Variants in ZNF692 observed in about 807,000 individuals in gnomAD.
The protein encoded by ZNF692 is AICAR responsive element binding protein.
ZNF692 carries 41 observed loss-of-function variants against 49.0 expected under a neutral mutation model. That is an observed-to-expected ratio of 0.84 (90% CI 0.65 to 1.08). The LOEUF (loss-of-function observed/expected upper bound fraction) is 1.08. ZNF692 is among the 50% of genes least tolerant of loss of function. The pLI is 0.00. For synonymous variants in ZNF692, 288 were observed against 251.5 expected (o/e 1.15, Z -1.37); for missense variants, 662 against 662.2 (o/e 1.00, Z 0.00).
intron 10 of ZNF692, among the ~76,000 whole-genome samples, chr1:248,853,347 C>T (rs746228350): frequency 6.6e-6 from 1 of 152,212 alleles, no homozygotes; most frequent in African/African-American, 2.4e-5. Context: ...TGTCCCTCTG[C>T]CATTCAAGAC....
rs770454079 is a variant in ZNF692, at chr1:248,856,563, C to T, written c.476-1G>A. ...CTCTCATCATGCTCAGATTCCAAAT[C>T]TGTGGGACAGGCAAAGTCAAAAGAG... On this transcript the variant is annotated splice_acceptor_variant, in intron 4 of 11. Transcript: ENST00000306601. LOFTEE classifies it high-confidence loss of function. 2 of 1,614,018 alleles carry T rather than the reference C, an allele frequency of 1.2e-6. No homozygotes were observed. The highest frequency in any genetic ancestry group is 2.2e-5 in the East Asian group (1 of 44,898).
At position 248,858,431 on chromosome 1, in the gene ZNF692, C is replaced by G. The variant is rs1660506813; in HGVS notation, c.-12-110G>C. On this transcript the variant is annotated intron_variant, in intron 1 of 11. Coordinates refer to ENST00000306601, the MANE Select transcript of ZNF692 (RefSeq NM_017865.4). This position sits in a 1 kb window ranked among gnomAD's most constrained non-coding sequence, Gnocchi z 4.3. ...TCCTCATCAGTGAACTGGGGCAAGA[C>G]TAAACTATTTCAATAGCAGTGGCAG... The G allele has an allele frequency of 1.9e-6, 3 of 1,551,178 alleles. No individual in the cohort carries two copies. Among genetic ancestry groups the G allele is most frequent in the South Asian group, 2.4e-5 (2 of 84,062 alleles).
At position 248,850,385 on chromosome 1, in the gene ZNF692, C is replaced by T. The variant is rs1659409251; in HGVS notation, c.1385G>A (p.Ser462Asn). 1.2e-6 allele frequency: 2 copies of T among 1,614,010 alleles called. No homozygotes were observed. The highest frequency in any genetic ancestry group is 8.5e-7 in the Non-Finnish European group (1 of 1,180,020). ...ACTTTTGCTACGGTGGGCTGCAACA[C>T]TGTCTGGCTTCTCAAAGCGCTTGCC... Reference protein sequence around the residue: ...FCGKRFEKPDSVAAHRSKSHP... With the variant: ...FCGKRFEKPDNVAAHRSKSHP... The change falls in exon 12 of 12, where the codon AGT (serine) becomes AAT (asparagine). Residue 462 changes from serine (S) to asparagine (N), a missense_variant. Physicochemically the swap from Ser to Asn is conservative, Grantham distance 46. Transcript: ENST00000306601.
chr1:248,854,373 G>A (rs1303576292), intron 9 of ZNF692: 3 of 250,556 alleles, frequency 1.2e-5, no homozygotes, highest in Non-Finnish European at 2.3e-5. Flanking sequence ...ATCACTCTGG[G>A]TGACACCCCT....
At position 248,858,976 on chromosome 1, in the gene ZNF692, A is replaced by T. The variant is rs1660588799; in HGVS notation, c.-71T>A. On this transcript the variant is annotated 5_prime_UTR_variant, in exon 1 of 12. Transcript: ENST00000306601. This position sits in a 1 kb window ranked among gnomAD's most constrained non-coding sequence, Gnocchi z 4.3. ...GCCTGCGCCTGCGCCTCCCGGGCCT[A>T]GCGAGCAGGCCCGGAGCTGCTGGAA... is the stretch of plus-strand genomic sequence containing the variant. 1 of 174,560 alleles carries T rather than the reference A, an allele frequency of 5.7e-6. No homozygotes were observed. The allele number at this position is 174,560 out of a possible 1,614,324, so 10.8% of individuals were successfully genotyped here.
At chr1:248,850,875 T>A (rs1183830097) in intron 10 of ZNF692, 94 bp from the exon 11 acceptor site, 5 of 1,072,424 alleles carry the variant, frequency 4.7e-6, no homozygotes, top group Non-Finnish European at 6.9e-6. Flanking sequence ...GAGTGCACCG[T>A]ATTGGAGGTC....
Position 248,858,721 on chromosome 1 carries a change from C to A in ZNF692, c.-13+197G>T. On this transcript the variant is annotated intron_variant, in intron 1 of 11. Coordinates refer to ENST00000306601, the MANE Select transcript of ZNF692 (RefSeq NM_017865.4). The surrounding 1 kb of genome is among the most constrained non-coding windows in gnomAD (Gnocchi z 4.3). ...AGGGGAAGGAAAGGTCGTGTCCTGG[C>A]GTGCAGCTGGGGGCGCTCTTCATAG... 2.9e-6 allele frequency: 2 copies of A among 699,668 alleles called. No homozygotes were observed. The highest frequency in any genetic ancestry group is 4.9e-6 in the Non-Finnish European group (2 of 405,652). 43.3% of individuals were successfully genotyped at this position (699,668 alleles called of 1,614,324 possible).
intron 10 of ZNF692, among the ~76,000 whole-genome samples, chr1:248,852,260 C>G (rs1659689333): frequency 6.6e-6 from 1 of 152,202 alleles, no homozygotes; most frequent in African/African-American, 2.4e-5. Context: ...ACACCCCCAG[C>G]CTACTAGCCT....
chr1:248,852,294 A>G (rs1287121412), intron 10 of ZNF692, among the ~76,000 whole-genome samples: 1 of 152,114 alleles, frequency 6.6e-6, no homozygotes, highest in Non-Finnish European at 1.5e-5. Flanking sequence ...TCTTGTTTCT[A>G]AAGTCGCCAA....
Position 248,855,938 on chromosome 1 carries a change from G to C in ZNF692, c.668C>G (p.Pro223Arg), listed in dbSNP as rs368069363. The change falls in exon 7 of 12, where the codon CCT becomes CGT. Residue 223 changes from proline (P) to arginine (R), a missense_variant. By Grantham distance (103) the Pro-to-Arg change is moderately radical. Coordinates refer to ENST00000306601, the MANE Select transcript of ZNF692 (RefSeq NM_017865.4). The stretch of plus-strand genomic sequence containing the variant: ...GGAAGGCAGTAGTCTGGGGGCATCA[G>C]GCTCACTACTGAAAGGAGAACAAAG... ...TYSSSPDDSE[P>R]DAPRLLPSPV... The C allele has an allele frequency of 4.3e-6, 7 of 1,613,776 alleles. No homozygotes were observed. The highest frequency in any genetic ancestry group is 1.7e-5 in the Admixed American group (1 of 59,994).
At position 248,857,705 on chromosome 1, in the gene ZNF692, G is replaced by T; in HGVS notation, c.211+123C>A. The T allele has an allele frequency of 2.0e-6, 3 of 1,501,134 alleles. No homozygotes were observed. In the South Asian group the frequency reaches 4.0e-5, roughly 20 times the overall value. 93.0% of individuals were successfully genotyped at this position (1,501,134 alleles called of 1,614,324 possible). Reference sequence around the variant, plus strand: ...GGTTGCCTCCATCAAACTACCCTGTGCTCCCCAACTCACCCCACCCTTCCC... The same window carrying T: ...GGTTGCCTCCATCAAACTACCCTGTTCTCCCCAACTCACCCCACCCTTCCC... On this transcript the variant is annotated intron_variant, in intron 3 of 11. Coordinates refer to ENST00000306601, the MANE Select transcript of ZNF692 (RefSeq NM_017865.4).
chr1:248,858,614 G>T lies in ZNF692; in HGVS notation c.-12-293C>A. ...GTGGAGCTGTGGGGAAGGGGCGAGAGACTTTCACGGGAAATTTCAACTGGG... is the reference window on the plus strand; with the variant it reads ...GTGGAGCTGTGGGGAAGGGGCGAGATACTTTCACGGGAAATTTCAACTGGG... On this transcript the variant is annotated intron_variant, in intron 1 of 11. Transcript: ENST00000306601. The surrounding 1 kb of genome is among the most constrained non-coding windows in gnomAD (Gnocchi z 4.3). 6.7e-7 allele frequency: 1 copy of T among 1,500,666 alleles called. No homozygotes were observed. The highest frequency in any genetic ancestry group is 1.2e-5 in the South Asian group (1 of 83,016). The allele number at this position is 1,500,666 out of a possible 1,614,324, so 93.0% of individuals were successfully genotyped here. A position where few individuals can be genotyped will look rare whatever the true frequency, so the allele number is the denominator to read the frequency against.
intron 9 of ZNF692, among the ~76,000 whole-genome samples, chr1:248,855,079 G>A (rs1660069156): frequency 6.6e-6 from 1 of 152,166 alleles, no homozygotes; most frequent in African/African-American, 2.4e-5. Flanking sequence ...TCTCAAGCCA[G>A]GATATGTGGC....
In ZNF692 at chr1:248,857,516, C is replaced by T. The variant is rs1660384299; in HGVS notation, c.212-19G>A. On this transcript the variant is annotated intron_variant, in intron 3 of 11. Transcript: ENST00000306601. ...TCAGGACCTGGAGGGGTGGGGGAAG[C>T]AGTCAGGCTGAACTGGGAAGTCTCC... 13 of 1,603,474 alleles carry T rather than the reference C, an allele frequency of 8.1e-6. No individual in the cohort carries two copies. The highest frequency in any genetic ancestry group is 9.4e-6 in the Non-Finnish European group (11 of 1,174,030).
chr1:248,854,306 T>A, intron 9 of ZNF692: 1 of 432,448 alleles, frequency 2.3e-6, no homozygotes. Flanking sequence ...TTCCATTATC[T>A]CACCTCCTTG....
chr1:248,858,281 G>A lies in ZNF692; in HGVS notation c.29C>T (p.Ser10Phe). 1.9e-6 allele frequency: 3 copies of A among 1,582,488 alleles called. No homozygotes were observed. Among genetic ancestry groups the A allele is most frequent in the African/African-American group, 1.3e-5 (1 of 74,502 alleles). The part of the protein sequence containing the change: MASSPAVDV[S>F]CRRREKRRQL... ...CCGCCGCTTCTCCCGCCGCCTGCAG[G>A]ACACGTCCACCGCCGGGGAGGAAGC... Residue 10 changes from serine to phenylalanine, a missense_variant, in exon 2 of 12, where the codon TCC becomes TTC. Physicochemically the swap from Ser to Phe is radical, Grantham distance 155. Coordinates refer to ENST00000306601, the MANE Select transcript of ZNF692 (RefSeq NM_017865.4). This position sits in a 1 kb window ranked among gnomAD's most constrained non-coding sequence, Gnocchi z 4.3.
At chr1:248,851,607 C>G (rs1180785849) in intron 10 of ZNF692, among the ~76,000 whole-genome samples, 1 of 152,170 alleles carries the variant, frequency 6.6e-6, no homozygotes, top group East Asian at 1.9e-4. Flanking sequence ...TCCATCCACA[C>G]AACTCTAGGT....
At chr1:248,852,459 A>G (rs1045377168) in intron 10 of ZNF692, among the ~76,000 whole-genome samples, 3 of 152,008 alleles carry the variant, frequency 2.0e-5, no homozygotes, top group African/African-American at 7.3e-5. Flanking sequence ...ACCCCACTCT[A>G]GCATCAGCAG....
chr1:248,857,251 C>A lies in ZNF692; in HGVS notation c.458G>T (p.Ser153Ile). 3.1e-6 allele frequency: 5 copies of A among 1,612,676 alleles called. No homozygotes were observed. Among genetic ancestry groups the A allele is most frequent in the Non-Finnish European group, 3.4e-6 (4 of 1,179,204 alleles). ...TRRSWCSEAT[S>I]GQELADLESE... ...CAGCCTACCTGCAAGCTCCTGCCCA[C>A]TCGTGGCCTCGGAACACCAACTTCT... Residue 153 changes from serine (S) to isoleucine (I), a missense_variant, in exon 4 of 12, where the codon AGT becomes ATT. Coordinates refer to ENST00000306601, the MANE Select transcript of ZNF692 (RefSeq NM_017865.4).
Sources: gnomAD v4.1 joint callset for allele counts (sites outside exome capture counted in the v4.1 genomes callset) on GRCh38, gnomAD v4.1.1 for gene constraint, Gnocchi (gnomAD v3.1) non-coding constraint, MANE v1.5 for transcripts, NCBI Gene and HGNC (gene_info 2026-07-23, HGNC 2026-07-21) for gene names.